Variants in GLIS1 observed in about 807,000 individuals in gnomAD.
GLIS1 encodes the protein zinc finger protein GLIS1.
GLIS1 carries 24 observed loss-of-function variants against 63.8 expected under a neutral mutation model. The ratio of observed to expected loss-of-function variants is 0.38; its 90% CI spans 0.27 to 0.53. The LOEUF (loss-of-function observed/expected upper bound fraction) is 0.53. Ranked by LOEUF, GLIS1 falls within the 20% of genes least tolerant of loss-of-function variation. The pLI is 0.85. For synonymous variants in GLIS1, 450 were observed against 482.5 expected, an observed-to-expected ratio of 0.93 and a Z score of 0.88; for missense variants, 1,036 against 1,074.1, an observed-to-expected ratio of 0.96 and a Z score of 0.50.
chr1:53,719,443 C>T (rs1479710842), intron 2 of GLIS1, among the ~76,000 whole-genome samples: 1 of 152,178 alleles, frequency 6.6e-6, no homozygotes, highest in Non-Finnish European at 1.5e-5. Context: ...CCTTTCATAT[C>T]CTCAAAGCGT....
intron 2 of GLIS1, among the ~76,000 whole-genome samples, chr1:53,605,538 T>C (rs943622384): frequency 2.6e-5 from 4 of 152,110 alleles, no homozygotes; most frequent in African/African-American, 9.7e-5. Flanking sequence ...TTCCCATGGT[T>C]TTTCTCTAAA....
chr1:53,529,793 T>C lies in GLIS1; in HGVS notation c.1480A>G (p.Thr494Ala). Reference sequence around the variant, plus strand: ...GGGCCTCTGCCTGTTGGGCCTACCGTGTCTAGGTGGGTGCGCTGGTGCTTG... The same window carrying C: ...GGGCCTCTGCCTGTTGGGCCTACCGCGTCTAGGTGGGTGCGCTGGTGCTTG... ...RAKHQRTHLD[T>A]KPYACQIPGC... The change falls in exon 5 of 11, where the codon ACG (threonine) becomes GCG (alanine). Residue 494 changes from threonine (T) to alanine (A), a missense_variant and splice_region_variant. Physicochemically the swap from Thr to Ala is moderately conservative, Grantham distance 58. Coordinates refer to ENST00000628545, the MANE Select transcript of GLIS1 (RefSeq NM_001367484.1). The C allele has an allele frequency of 6.2e-7, 1 of 1,610,972 alleles. No individual in the cohort carries two copies. Among genetic ancestry groups the C allele is most frequent in the African/African-American group, 1.3e-5 (1 of 74,972 alleles).
intron 2 of GLIS1, among the ~76,000 whole-genome samples, chr1:53,652,514 G>A (rs988329855): frequency 6.6e-6 from 1 of 152,136 alleles, no homozygotes; most frequent in African/African-American, 2.4e-5. Flanking sequence ...AACCATTCTG[G>A]GATGAACAGT....
chr1:53,549,855 C>T (rs973377636), intron 4 of GLIS1, among the ~76,000 whole-genome samples: 17 of 152,196 alleles, frequency 1.1e-4, no homozygotes, highest in African/African-American at 3.1e-4. Flanking sequence ...CCCCATATTA[C>T]CAATGGGCAA....
chr1:53,715,647 G>A (rs748014775), intron 2 of GLIS1, among the ~76,000 whole-genome samples: 30 of 152,136 alleles, frequency 2.0e-4, no homozygotes, highest in Non-Finnish European at 3.8e-4. Context: ...CAGGACTGAG[G>A]CAGGGACGCC....
In GLIS1 at chr1:53,556,913, T is replaced by G. The variant is rs556684077; in HGVS notation, c.1321-26961A>C. ...TGTGCAGGTGTACTGCAGGTATGTGTGTGTGTGTGCAGGTGTACTGCAGGT... is the reference window on the plus strand; with the variant it reads ...TGTGCAGGTGTACTGCAGGTATGTGGGTGTGTGTGCAGGTGTACTGCAGGT... On this transcript the variant is annotated intron_variant, in intron 4 of 10. Transcript: ENST00000628545. 2.6e-5 allele frequency among the ~76,000 whole-genome samples: 4 copies of G among 150,964 alleles called. No homozygotes were observed. The East Asian group carries it at 7.8e-4, about 30-fold the overall frequency.
At chr1:53,713,901 T>A (rs1646671330) in intron 2 of GLIS1, among the ~76,000 whole-genome samples, 1 of 152,220 alleles carries the variant, frequency 6.6e-6, no homozygotes, top group Admixed American at 6.5e-5. Context: ...CATTAGCTAA[T>A]CCAGAGGGTA....
At chr1:53,600,993 G>A (rs1477261459) in intron 2 of GLIS1, among the ~76,000 whole-genome samples, 1 of 152,196 alleles carries the variant, frequency 6.6e-6, no homozygotes, top group Non-Finnish European at 1.5e-5. Context: ...AGTCAGGCGT[G>A]CTTGTTCTAA....
intron 2 of GLIS1, among the ~76,000 whole-genome samples, chr1:53,635,171 G>A (rs1310905750): frequency 3.3e-5 from 5 of 152,134 alleles, no homozygotes; most frequent in African/African-American, 1.2e-4. Flanking sequence ...AGAACGGCAG[G>A]AGCAGTGGTG....
intron 2 of GLIS1, among the ~76,000 whole-genome samples, chr1:53,664,740 G>A (rs1646069556): frequency 6.6e-6 from 1 of 152,224 alleles, no homozygotes; most frequent in Non-Finnish European, 1.5e-5. Context: ...GGAAGCTGGG[G>A]CCTGGGGGTG....
chr1:53,507,461 A>C (rs1644246728), intron 10 of GLIS1, among the ~76,000 whole-genome samples: 2 of 152,146 alleles, frequency 1.3e-5, no homozygotes. Flanking sequence ...GCCACCGCTC[A>C]GAGGCCCTTG....
At position 53,598,478 on chromosome 1, in the gene GLIS1, C is replaced by T. The variant is rs144001209; in HGVS notation, c.437+1623G>A. On this transcript the variant is annotated intron_variant, in intron 3 of 10. Transcript: ENST00000628545. This position sits in a 1 kb window ranked among gnomAD's most constrained non-coding sequence, Gnocchi z 4.6. ...TGAGCCTGGGAGGTGGAGGCTGCAGCGAGCCAACATTGTGCCACTGCACTC... is the reference window on the plus strand; with the variant it reads ...TGAGCCTGGGAGGTGGAGGCTGCAGTGAGCCAACATTGTGCCACTGCACTC... Among the ~76,000 whole-genome samples the T allele has an allele frequency of 6.3e-3, 960 of 151,786 alleles. 14 individuals carry two copies. The highest frequency in any genetic ancestry group is 0.022 in the African/African-American group (909 of 41,362).
At chr1:53,571,255 AG>A (rs1159172542) in intron 4 of GLIS1, among the ~76,000 whole-genome samples, 1 of 152,254 alleles carries the variant, frequency 6.6e-6, no homozygotes, top group East Asian at 1.9e-4. Context: ...AACATTTTTG[AG>A]GACATAGAAC....
intron 2 of GLIS1, among the ~76,000 whole-genome samples, chr1:53,657,925 T>C (rs569772491): frequency 6.6e-6 from 1 of 152,248 alleles, no homozygotes; most frequent in South Asian, 2.1e-4. Flanking sequence ...CCTTTCAGCC[T>C]CATCCTCTCA....
intron 7 of GLIS1, among the ~76,000 whole-genome samples, chr1:53,516,257 C>T (rs1644351420): frequency 6.6e-6 from 1 of 152,200 alleles, no homozygotes; most frequent in African/African-American, 2.4e-5. Flanking sequence ...ACACACCAGT[C>T]TCCTTTCATG....
At chr1:53,710,210 C>T (rs1646632141) in intron 2 of GLIS1, among the ~76,000 whole-genome samples, 1 of 152,232 alleles carries the variant, frequency 6.6e-6, no homozygotes, top group African/African-American at 2.4e-5. Flanking sequence ...GGGGGGCTTT[C>T]CGAATCATTC....
At chr1:53,675,262 T>A (rs1159615517) in intron 2 of GLIS1, among the ~76,000 whole-genome samples, 2 of 152,244 alleles carry the variant, frequency 1.3e-5, no homozygotes, top group Non-Finnish European at 2.9e-5. Context: ...GTGCAGGCTC[T>A]GAGTCCTTGC....
chr1:53,584,369 A>G (rs1273779357), intron 4 of GLIS1, among the ~76,000 whole-genome samples: 1 of 152,234 alleles, frequency 6.6e-6, no homozygotes, highest in African/African-American at 2.4e-5. Flanking sequence ...ATCACATGTC[A>G]AAACCTTCAC....
intron 2 of GLIS1, among the ~76,000 whole-genome samples, chr1:53,703,642 A>T: frequency 6.7e-6 from 1 of 148,782 alleles, no homozygotes; most frequent in African/African-American, 2.4e-5. Flanking sequence ...CTGTCTCTAA[A>T]AAAAAAAAAA....
Sources: allele counts gnomAD v4.1 joint callset (sites outside exome capture counted in the v4.1 genomes callset), GRCh38; gene constraint gnomAD v4.1.1; non-coding constraint Gnocchi (gnomAD v3.1); transcripts MANE v1.5; gene names NCBI Gene and HGNC (gene_info 2026-07-23, HGNC 2026-07-21).